Variants in SYNE2 observed in about 807,000 individuals in gnomAD.
SYNE2 encodes nesprin-2.
A neutral mutation model predicts 856.3 loss-of-function variants in SYNE2; 431 were observed. The observed-to-expected ratio is 0.50, with a 90% CI of 0.47 to 0.55. The LOEUF (loss-of-function observed/expected upper bound fraction) is 0.55. Among genes scored for constraint, SYNE2 ranks in the 20% least tolerant of loss-of-function variants. The pLI is 0.00. For missense variants in SYNE2, 8,129 were observed against 8,023.2 expected (o/e 1.01, Z -0.50); for synonymous variants, 2,923 against 2,872.3 (o/e 1.02, Z -0.56).
chr14:64,095,132 T>C (rs2097666070), intron 61 of SYNE2: 1 of 170,408 alleles, frequency 5.9e-6, no homozygotes, highest in Non-Finnish European at 1.5e-5. Context: ...CAGATGTGGG[T>C]GCTGCAAATG....
At chr14:63,998,178 T>C (rs746162135) in intron 25 of SYNE2, 41 bp from the exon 26 acceptor site, 35 of 1,327,642 alleles carry the variant, frequency 2.6e-5, no homozygotes, top group Non-Finnish European at 3.4e-5. Context: ...ATAAAAAGTA[T>C]GTTTAAGATA....
chr14:63,866,006 C>T (rs1000018107), intron 1 of SYNE2, among the ~76,000 whole-genome samples: 1 of 152,106 alleles, frequency 6.6e-6, no homozygotes, highest in Non-Finnish European at 1.5e-5. Context: ...CATGGAATTT[C>T]AGACTATAGT....
intron 12 of SYNE2, among the ~76,000 whole-genome samples, chr14:63,977,232 A>G (rs2153467613): frequency 6.6e-6 from 1 of 151,898 alleles, no homozygotes; most frequent in African/African-American, 2.4e-5. Flanking sequence ...TTTTTTTTTG[A>G]GACAGAGTCT....
Position 64,165,361 on chromosome 14 carries a change from A to G in SYNE2, c.16556A>G (p.Asn5519Ser), listed in dbSNP as rs758333611. The G allele has an allele frequency of 4.3e-6, 7 of 1,613,876 alleles. No homozygotes were observed. The highest frequency in any genetic ancestry group is 5.9e-6 in the Non-Finnish European group (7 of 1,179,924). ...LKGLIMHEEE[N>S]LDRLHQQEKE... Reference sequence around the variant, plus strand: ...GGTCTTATTATGCATGAAGAAGAGAATTTGGATAGACTTCACCAACAGGAA... The same window carrying G: ...GGTCTTATTATGCATGAAGAAGAGAGTTTGGATAGACTTCACCAACAGGAA... The change falls in exon 90 of 116, where the codon AAT becomes AGT. Residue 5519 changes from asparagine to serine, a missense_variant. By Grantham distance (46) the Asn-to-Ser change is conservative (BLOSUM62 1). Transcript: ENST00000555002.
chr14:64,112,615 A>G (rs1402624454), intron 65 of SYNE2, among the ~76,000 whole-genome samples: 1 of 152,242 alleles, frequency 6.6e-6, no homozygotes, highest in East Asian at 1.9e-4. Flanking sequence ...TAAAAAGAAC[A>G]CACCACACTT....
At chr14:64,153,113 T>G (rs2098257582) in intron 85 of SYNE2, among the ~76,000 whole-genome samples, 7 of 152,212 alleles carry the variant, frequency 4.6e-5, no homozygotes, top group Admixed American at 4.6e-4. Context: ...TCCTGTATCA[T>G]GTAGCCTCTA....
At chr14:63,772,060 G>C (rs930998920) in intron 1 of SYNE2, among the ~76,000 whole-genome samples, 1 of 152,094 alleles carries the variant, frequency 6.6e-6, no homozygotes, top group Non-Finnish European at 1.5e-5. Context: ...ATTATGTAAA[G>C]GTCAAAGACA....
At chr14:63,860,873 T>TGGA (rs1893391070) in intron 1 of SYNE2, among the ~76,000 whole-genome samples, 1 of 152,142 alleles carries the variant, frequency 6.6e-6, no homozygotes. Context: ...GGGTAATTGG[T>TGGA]AGTCACTGCA....
chr14:63,992,032 A>G (rs901007159), intron 21 of SYNE2, among the ~76,000 whole-genome samples: 3 of 151,948 alleles, frequency 2.0e-5, no homozygotes, highest in East Asian at 1.9e-4. Flanking sequence ...TGCTTTTCCT[A>G]TGACCTTAGT....
chr14:63,796,516 A>G (rs1887920212), intron 1 of SYNE2, among the ~76,000 whole-genome samples: 1 of 152,158 alleles, frequency 6.6e-6, no homozygotes, highest in African/African-American at 2.4e-5. Flanking sequence ...ATCATTCAGA[A>G]TCTCTCCTGA....
In SYNE2 at chr14:63,963,759, G is replaced by A. The variant is rs2096353065; in HGVS notation, c.889-140G>A. 4.5e-6 allele frequency: 3 copies of A among 672,102 alleles called. No individual in the cohort carries two copies. The East Asian group carries it at 8.4e-5, about 19-fold the overall frequency. The allele number at this position is 672,102 out of a possible 1,614,324, so 41.6% of individuals were successfully genotyped here. ...AAAATTTAAGGTGTTATGTGAACAA[G>A]TGAAATTACTCTTTGGCATAATGAA... On this transcript the variant is annotated intron_variant, in intron 9 of 115. Coordinates refer to ENST00000555002, the MANE Select transcript of SYNE2 (RefSeq NM_182914.3).
At chr14:64,152,491 C>G (rs2098252126) in intron 84 of SYNE2, 73 bp from the exon 85 acceptor site, 3 of 1,485,152 alleles carry the variant, frequency 2.0e-6, no homozygotes, top group Non-Finnish European at 2.8e-6. Context: ...AAAGAGTGAA[C>G]TCCTGTCTCT....
chr14:64,131,740 C>A (rs959750508), intron 76 of SYNE2, among the ~76,000 whole-genome samples: 4 of 152,122 alleles, frequency 2.6e-5, no homozygotes, highest in Non-Finnish European at 5.9e-5. Context: ...TGCCACCACA[C>A]CTAGCTGGCA....
chr14:63,962,681 T>C (rs2096336770), intron 9 of SYNE2, among the ~76,000 whole-genome samples: 1 of 152,120 alleles, frequency 6.6e-6, no homozygotes, highest in South Asian at 2.1e-4. Flanking sequence ...GCTGGAATTA[T>C]AGGCATGGAC....
intron 1 of SYNE2, among the ~76,000 whole-genome samples, chr14:63,871,629 A>C (rs1466343155): frequency 1.3e-5 from 2 of 150,130 alleles, no homozygotes; most frequent in Non-Finnish European, 3.0e-5. Context: ...AATCTTTCAG[A>C]GACAGGGTCT....
chr14:63,796,316 G>A (rs1354476741), intron 1 of SYNE2, among the ~76,000 whole-genome samples: 1 of 152,116 alleles, frequency 6.6e-6, no homozygotes, highest in Admixed American at 6.5e-5. Context: ...AATATTAGCT[G>A]GGCATGGTGG....
In SYNE2 at chr14:63,948,491, GTC is replaced by G. The variant is rs374103821; in HGVS notation, c.409-1330_409-1329del. On this transcript the variant is annotated intron_variant, in intron 6 of 115. Coordinates refer to ENST00000555002, the MANE Select transcript of SYNE2 (RefSeq NM_182914.3). ...AACCTGACCGACATGGTGGAACCCT[GTC>G]TCTACTAAAAATACAAAAATTAGCC... Among the ~76,000 whole-genome samples the G allele has an allele frequency of 1.4e-3, 210 of 151,436 alleles. 1 individual carries two copies. In the South Asian group the frequency reaches 0.015, roughly 11 times the overall value.
chr14:63,946,282 G>A (rs865992435), intron 6 of SYNE2, among the ~76,000 whole-genome samples: 1 of 151,652 alleles, frequency 6.6e-6, no homozygotes, highest in East Asian at 1.9e-4. Flanking sequence ...AAAATAATTA[G>A]CTGGGAATGG....
At chr14:63,976,823 AGTGGATATTT>A in intron 12 of SYNE2, 96 bp downstream of exon 12, 1 of 1,367,480 alleles carries the variant, frequency 7.3e-7, no homozygotes, top group Non-Finnish European at 1.0e-6. Context: ...GAAGGATAAT[AGTGGATATTT>A]GAGGATGGTT....
Sources: allele counts gnomAD v4.1 joint callset (sites outside exome capture counted in the v4.1 genomes callset), GRCh38; gene constraint gnomAD v4.1.1; transcripts MANE v1.5; gene names NCBI Gene and HGNC (gene_info 2026-07-23, HGNC 2026-07-21).